Variants in CSMD1 observed in about 807,000 individuals in gnomAD.
CSMD1 encodes the protein CUB and Sushi multiple domains 1, also known as CUB and sushi domain-containing protein 1.
In CSMD1, 213 loss-of-function variants were observed where a neutral mutation model predicts 417.5. That is an observed-to-expected ratio of 0.51 (90% CI 0.46 to 0.57). The LOEUF (loss-of-function observed/expected upper bound fraction) is 0.57, where lower values mean the gene tolerates loss of function less well. CSMD1 is among the 20% of genes least tolerant of loss of function. The probability of loss-of-function intolerance (pLI) is 0.00; values close to 1 mark genes in which losing one functional copy is unlikely to be tolerated. For missense variants in CSMD1, 6,923 were observed against 4,529.7 expected (o/e 1.53, Z -15.17); for synonymous variants, 2,862 against 1,736.8 (o/e 1.65, Z -16.11).
intron 58 of CSMD1, 66 bp downstream of exon 58, chr8:2,966,504 T>A (rs1348237492): frequency 7.0e-7 from 1 of 1,423,660 alleles, no homozygotes; most frequent in Non-Finnish European, 9.6e-7. Flanking sequence ...CTTAAAGTCA[T>A]TTTTTTTCCC....
chr8:3,940,847 T>G (rs971861957), intron 5 of CSMD1, among the ~76,000 whole-genome samples: 2 of 150,638 alleles, frequency 1.3e-5, no homozygotes, highest in Non-Finnish European at 3.0e-5. Flanking sequence ...AGAAGTTTAT[T>G]AAAAACTAAT....
chr8:3,413,070 T>C (rs188548474), intron 12 of CSMD1, among the ~76,000 whole-genome samples: 20 of 152,292 alleles, frequency 1.3e-4, no homozygotes, highest in Admixed American at 1.2e-3. Context: ...TTTCACATTA[T>C]GAGCTTCCTA....
intron 3 of CSMD1, among the ~76,000 whole-genome samples, chr8:4,384,897 C>G (rs565623338): frequency 3.2e-4 from 49 of 152,292 alleles, no homozygotes; most frequent in Non-Finnish European, 5.9e-4. Flanking sequence ...TGACTATCAA[C>G]AGAGTGGCTG....
intron 5 of CSMD1, among the ~76,000 whole-genome samples, chr8:3,901,570 C>G (rs1033405183): frequency 1.3e-5 from 2 of 152,190 alleles, no homozygotes; most frequent in Non-Finnish European, 2.9e-5. Flanking sequence ...AAGTAGAGTC[C>G]TCATTCGGAG....
chr8:4,544,667 T>C (rs1797554848), intron 2 of CSMD1, among the ~76,000 whole-genome samples: 1 of 152,212 alleles, frequency 6.6e-6, no homozygotes, highest in Non-Finnish European at 1.5e-5. Flanking sequence ...ACGTATTCCA[T>C]GTCCAGCTTT....
At chr8:3,971,451 G>T (rs551278608) in intron 5 of CSMD1, among the ~76,000 whole-genome samples, 1 of 151,922 alleles carries the variant, frequency 6.6e-6, no homozygotes, top group South Asian at 2.1e-4. Flanking sequence ...TTTGGGATTC[G>T]ACTAATGCAA....
At chr8:3,225,858 T>A (rs1798471335) in intron 27 of CSMD1, among the ~76,000 whole-genome samples, 1 of 152,206 alleles carries the variant, frequency 6.6e-6, no homozygotes, top group Non-Finnish European at 1.5e-5. Context: ...GCAAAATATT[T>A]TAGATAGGAT....
intron 5 of CSMD1, among the ~76,000 whole-genome samples, chr8:3,887,497 C>T (rs546328387): frequency 6.6e-6 from 1 of 152,300 alleles, no homozygotes; most frequent in South Asian, 2.1e-4. Context: ...TCTGGCTGAA[C>T]ATTAGAGTTG....
intron 26 of CSMD1, among the ~76,000 whole-genome samples, chr8:3,269,195 G>A (rs13261283): frequency 0.56 from 85,131 of 152,156 alleles, 23,970 homozygotes; most frequent in Admixed American, 0.61. Flanking sequence ...TCCACGGGAC[G>A]GAAAGCTGAA....
intron 3 of CSMD1, among the ~76,000 whole-genome samples, chr8:4,312,857 C>T (rs1462341242): frequency 6.6e-6 from 1 of 151,982 alleles, no homozygotes; most frequent in African/African-American, 2.4e-5. Flanking sequence ...AGAGTGAAAC[C>T]CCATCTCAAA....
chr8:4,558,156 G>A (rs777119929), intron 2 of CSMD1, among the ~76,000 whole-genome samples: 1 of 152,114 alleles, frequency 6.6e-6, no homozygotes, highest in Admixed American at 6.6e-5. Flanking sequence ...GTTAATCTGT[G>A]GGAAAAGAGT....
chr8:3,643,422 G>C (rs993760895), intron 7 of CSMD1, among the ~76,000 whole-genome samples: 3 of 151,812 alleles, frequency 2.0e-5, no homozygotes, highest in Non-Finnish European at 2.9e-5. Context: ...CCTCCTCTGG[G>C]CCGGACGCCG....
chr8:4,219,689 C>G (rs1183818723), intron 3 of CSMD1, among the ~76,000 whole-genome samples: 1 of 152,150 alleles, frequency 6.6e-6, no homozygotes, highest in Non-Finnish European at 1.5e-5. Context: ...CTACACAAGT[C>G]AAGAGTTTAA....
chr8:4,718,633 GA>G (rs1808844464), intron 1 of CSMD1, among the ~76,000 whole-genome samples: 1 of 151,912 alleles, frequency 6.6e-6, no homozygotes, highest in Non-Finnish European at 1.5e-5. Flanking sequence ...TTTTAAACTG[GA>G]AAACCAAATA....
At chr8:4,162,834 G>C (rs183793717) in intron 3 of CSMD1, among the ~76,000 whole-genome samples, 179 of 152,268 alleles carry the variant, frequency 1.2e-3, no homozygotes, top group Non-Finnish European at 2.0e-3. Context: ...ATAATGCTAT[G>C]TGTTCACCAT....
At chr8:4,303,473 G>A (rs556682029) in intron 3 of CSMD1, among the ~76,000 whole-genome samples, 4 of 81,846 alleles carry the variant, frequency 4.9e-5, no homozygotes. Flanking sequence ...TCTGTGCTGA[G>A]CTCATGTTGA....
intron 3 of CSMD1, among the ~76,000 whole-genome samples, chr8:4,328,024 A>G (rs901158189): frequency 1.3e-5 from 2 of 152,182 alleles, no homozygotes; most frequent in African/African-American, 4.8e-5. Context: ...GATAAGAGGT[A>G]CTTAGCGTCA....
At chr8:3,753,129 A>T (rs1797446978) in intron 6 of CSMD1, among the ~76,000 whole-genome samples, 1 of 152,186 alleles carries the variant, frequency 6.6e-6, no homozygotes, top group Admixed American at 6.5e-5. Flanking sequence ...GCAGGTGTTC[A>T]GCGAATGCTA....
At chr8:3,217,870 CAAATTGAACTCAAAAGTGT>C (rs900840427) in intron 29 of CSMD1, among the ~76,000 whole-genome samples, 1 of 152,032 alleles carries the variant, frequency 6.6e-6, no homozygotes, top group Non-Finnish European at 1.5e-5. Context: ...ATTTTTCACA[CAAATTGAACTCAAAAGTGT>C]AAATAAATAT....
Sources: allele counts gnomAD v4.1 joint callset (sites outside exome capture counted in the v4.1 genomes callset), GRCh38; gene constraint gnomAD v4.1.1; transcripts MANE v1.5; gene names NCBI Gene and HGNC (gene_info 2026-07-23, HGNC 2026-07-21).